The following NRG3 variants were observed in gnomAD, a reference collection of about 807,000 sequenced individuals.
NRG3 encodes the protein pro-neuregulin-3, membrane-bound isoform.
NRG3 carries 31 observed loss-of-function variants against 66.9 expected under a neutral mutation model. The ratio of observed to expected loss-of-function variants is 0.46; its 90% confidence interval spans 0.35 to 0.63. NRG3 has a LOEUF of 0.63. Among genes scored for constraint, NRG3 ranks in the 20% least tolerant of loss-of-function variants. The pLI is 0.00. For missense variants in NRG3, 910 were observed against 878.9 expected (o/e 1.04, Z -0.45); for synonymous variants, 393 against 359.4 (o/e 1.09, Z -1.06).
chr10:82,876,102 A>G (rs1174127576), intron 4 of NRG3, among the ~76,000 whole-genome samples: 1 of 152,246 alleles, frequency 6.6e-6, no homozygotes, highest in African/African-American at 2.4e-5. Flanking sequence ...AGCTAATAAA[A>G]TTTGATTGGT....
intron 2 of NRG3, among the ~76,000 whole-genome samples, chr10:82,659,512 G>A (rs1456614873): frequency 6.6e-6 from 1 of 152,048 alleles, no homozygotes; most frequent in African/African-American, 2.4e-5. Context: ...GCATAGTGGG[G>A]TGGTTGCCTG....
intron 2 of NRG3, among the ~76,000 whole-genome samples, chr10:82,681,120 G>A (rs927740407): frequency 6.6e-6 from 1 of 152,170 alleles, no homozygotes; most frequent in African/African-American, 2.4e-5. Context: ...AGACTGACTT[G>A]TGATAAAAAA....
chr10:82,568,522 G>A (rs574773471), intron 2 of NRG3, among the ~76,000 whole-genome samples: 2 of 151,872 alleles, frequency 1.3e-5, no homozygotes, highest in Admixed American at 1.3e-4. Context: ...CCTGAAGGTG[G>A]CCCCCTTTAC....
intron 3 of NRG3, among the ~76,000 whole-genome samples, chr10:82,848,917 C>T (rs1054295020): frequency 6.6e-6 from 1 of 152,126 alleles, no homozygotes; most frequent in Non-Finnish European, 1.5e-5. Flanking sequence ...GATTGTGAGG[C>T]CTTCCCAGCC....
At chr10:81,933,707 T>C (rs1847602741) in intron 1 of NRG3, among the ~76,000 whole-genome samples, 1 of 152,182 alleles carries the variant, frequency 6.6e-6, no homozygotes, top group African/African-American at 2.4e-5. Context: ...TCCTGATTGG[T>C]ACAAGATGAA....
intron 1 of NRG3, among the ~76,000 whole-genome samples, chr10:82,254,757 C>G (rs534306600): frequency 6.6e-6 from 1 of 151,734 alleles, no homozygotes; most frequent in Non-Finnish European, 1.5e-5. Flanking sequence ...ATGGCCAAAG[C>G]TGAAAAAATT....
Position 82,679,862 on chromosome 10 carries a change from G to GA in NRG3, c.954-58705dup, listed in dbSNP as rs971337197. 2.4e-3 allele frequency among the ~76,000 whole-genome samples: 348 copies of GA among 145,968 alleles called. 2 individuals carry two copies. The highest frequency in any genetic ancestry group is 4.0e-3 in the Non-Finnish European group (264 of 66,112). ...TCAGAGTCTATGTTCTTACCTACTG[G>GA]AAAAAAAAAAGAAAAAAGTCTTTTG... is the stretch of plus-strand genomic sequence containing the variant. On this transcript the variant is annotated intron_variant, in intron 2 of 8. Transcript: ENST00000372141.
chr10:82,077,826 A>G (rs1223306498), intron 1 of NRG3, among the ~76,000 whole-genome samples: 1 of 152,230 alleles, frequency 6.6e-6, no homozygotes, highest in African/African-American at 2.4e-5. Flanking sequence ...TATCAGAAAT[A>G]ACCTAGTGCA....
At chr10:82,888,993 A>G (rs1842934846) in intron 4 of NRG3, among the ~76,000 whole-genome samples, 1 of 152,130 alleles carries the variant, frequency 6.6e-6, no homozygotes, top group Non-Finnish European at 1.5e-5. Context: ...AGATGAGGTC[A>G]GAAAGGTTAC....
At chr10:82,116,770 C>A (rs2114818) in intron 1 of NRG3, among the ~76,000 whole-genome samples, 2 of 151,870 alleles carry the variant, frequency 1.3e-5, no homozygotes, top group Admixed American at 1.3e-4. Context: ...TGAAGAGAAC[C>A]CCAGTTCACC....
At chr10:82,530,990 T>C (rs1376299676) in intron 2 of NRG3, among the ~76,000 whole-genome samples, 2 of 151,820 alleles carry the variant, frequency 1.3e-5, no homozygotes, top group African/African-American at 4.8e-5. Context: ...GTACTGTAAA[T>C]TGAAGTAAAA....
At position 81,909,145 on chromosome 10, in the gene NRG3, C is replaced by G. The variant is rs531602835; in HGVS notation, c.823+32982C>G. Among the ~76,000 whole-genome samples the G allele has an allele frequency of 3.3e-5, 5 of 152,310 alleles. No homozygotes were observed. The East Asian group carries it at 9.7e-4, about 29-fold the overall frequency. On this transcript the variant is annotated intron_variant, in intron 1 of 8. Transcript: ENST00000372141. ...GTGGTTGCTGGCAATCCTTGGCATTCCTTGGCTTGTAGATTTATCCCTCCA... is the reference window on the plus strand; with the variant it reads ...GTGGTTGCTGGCAATCCTTGGCATTGCTTGGCTTGTAGATTTATCCCTCCA...
At chr10:82,162,346 T>G (rs2132964111) in intron 1 of NRG3, among the ~76,000 whole-genome samples, 1 of 152,276 alleles carries the variant, frequency 6.6e-6, no homozygotes, top group South Asian at 2.1e-4. Flanking sequence ...CTTTTTATTT[T>G]ACTTTTTACA....
At chr10:82,072,657 A>G (rs982752011) in intron 1 of NRG3, among the ~76,000 whole-genome samples, 2 of 151,194 alleles carry the variant, frequency 1.3e-5, no homozygotes, top group Admixed American at 6.6e-5. Flanking sequence ...AAGAATTTTA[A>G]TAGTAGTTAT....
chr10:82,735,525 A>G (rs1007224931), intron 2 of NRG3, among the ~76,000 whole-genome samples: 5 of 152,238 alleles, frequency 3.3e-5, no homozygotes, highest in Non-Finnish European at 7.3e-5. Context: ...TATCAATGAT[A>G]GACTGGATAA....
At chr10:82,828,352 T>C (rs1322984527) in intron 3 of NRG3, among the ~76,000 whole-genome samples, 3 of 152,304 alleles carry the variant, frequency 2.0e-5, no homozygotes, top group Middle Eastern at 6.8e-3. Flanking sequence ...AGTCACAGGC[T>C]GAGAGAAGAA....
chr10:82,404,920 G>T (rs1001155955), intron 2 of NRG3, among the ~76,000 whole-genome samples: 1 of 152,090 alleles, frequency 6.6e-6, no homozygotes, highest in African/African-American at 2.4e-5. Flanking sequence ...TAGAGCGAGA[G>T]TGCTTTACAA....
intron 1 of NRG3, among the ~76,000 whole-genome samples, chr10:82,011,891 G>C (rs2061592815): frequency 6.6e-6 from 1 of 152,120 alleles, no homozygotes. Context: ...GGCTGGTGTT[G>C]AGTGTCTGTG....
intron 3 of NRG3, among the ~76,000 whole-genome samples, chr10:82,802,342 T>A (rs926100364): frequency 6.6e-6 from 1 of 152,034 alleles, no homozygotes; most frequent in African/African-American, 2.4e-5. Flanking sequence ...GCAAAAGGGT[T>A]TGAAATATTT....
Sources: allele counts gnomAD v4.1 joint callset (sites outside exome capture counted in the v4.1 genomes callset), GRCh38; gene constraint gnomAD v4.1.1; transcripts MANE v1.5; gene names NCBI Gene and HGNC (gene_info 2026-07-23, HGNC 2026-07-21).